ASMTL: variants seen among roughly 807,000 people sequenced by gnomAD.
ASMTL encodes probable bifunctional dTTP/UTP pyrophosphatase/methyltransferase protein.
A neutral mutation model predicts 60.3 loss-of-function variants in ASMTL; 57 were observed. The ratio of observed to expected loss-of-function variants is 0.95; its 90% CI spans 0.76 to 1.18. The LOEUF is 1.18. Ranked by LOEUF, ASMTL falls within the 50% of genes most tolerant of loss-of-function variation. The probability of loss-of-function intolerance (pLI) is 0.00; values close to 1 mark genes in which losing one functional copy is unlikely to be tolerated. For missense variants in ASMTL, 981 were observed against 852.6 expected (o/e 1.15, Z -1.88); for synonymous variants, 419 against 373.0 (o/e 1.12, Z -1.42).
chrX:1,431,388 T>C (rs1377267755), intron 6 of ASMTL, among the ~76,000 whole-genome samples: 1 of 135,892 alleles, frequency 7.4e-6, no homozygotes, highest in Non-Finnish European at 1.5e-5. Flanking sequence ...CGATTATAAC[T>C]ACCTATTATA....
At chrX:1,417,679 A>G (rs2090342374) in intron 11 of ASMTL, among the ~76,000 whole-genome samples, 1 of 151,234 alleles carries the variant, frequency 6.6e-6, no homozygotes, top group South Asian at 2.1e-4. Flanking sequence ...ACAGAAACAT[A>G]TGCAACCACA....
At chrX:1,438,536 G>A (rs1468491365) in intron 3 of ASMTL, among the ~76,000 whole-genome samples, 20 of 152,122 alleles carry the variant, frequency 1.3e-4, no homozygotes, top group African/African-American at 2.9e-4. Context: ...CTTTTGAGAC[G>A]GAGTCTCGCT....
chrX:1,438,071 T>C (rs1325230673), intron 3 of ASMTL, among the ~76,000 whole-genome samples: 1 of 150,748 alleles, frequency 6.6e-6, no homozygotes, highest in Non-Finnish European at 1.5e-5. Flanking sequence ...GGCAGATCAC[T>C]TGAGGTCGGG....
chrX:1,415,242 G>A (rs1266711322), intron 11 of ASMTL, among the ~76,000 whole-genome samples: 2 of 12,446 alleles, frequency 1.6e-4, no homozygotes, highest in Non-Finnish European at 6.8e-4. Flanking sequence ...ATCCGTCCTG[G>A]CCTCAGCAGC....
intron 6 of ASMTL, among the ~76,000 whole-genome samples, chrX:1,431,498 T>C (rs28593091): frequency 0.021 from 2,908 of 139,038 alleles, 90 homozygotes; most frequent in African/African-American, 0.072. Flanking sequence ...TCACTACTTA[T>C]TAAAATTAAT....
chrX:1,433,387 C>A (rs1229614313), intron 5 of ASMTL, among the ~76,000 whole-genome samples: 1 of 146,386 alleles, frequency 6.8e-6, no homozygotes, highest in Non-Finnish European at 1.5e-5. Context: ...CAGAAGGGAC[C>A]GCGCGCGGTG....
chrX:1,403,588 G>C, intron 12 of ASMTL, 99 bp from the exon 13 acceptor site: 1 of 1,126,096 alleles, frequency 8.9e-7, no homozygotes, highest in Non-Finnish European at 1.3e-6. Context: ...TCAGAACGGT[G>C]AGCAGAGGCT....
intron 8 of ASMTL, 91 bp from the exon 9 acceptor site, chrX:1,421,933 A>C: frequency 8.1e-7 from 1 of 1,228,188 alleles, no homozygotes; most frequent in Admixed American, 1.8e-5. Flanking sequence ...TGTTAAAATA[A>C]ACATCACCCA....
At chrX:1,418,280 CTG>C (rs1569532398) in intron 10 of ASMTL, 164 bp from the exon 11 acceptor site, 2 of 312,112 alleles carry the variant, frequency 6.4e-6, no homozygotes, top group African/African-American at 2.3e-5. Flanking sequence ...CCAGACAAGA[CTG>C]TACAAGCAGG....
chrX:1,450,060 C>G (rs1428978929), intron 1 of ASMTL, among the ~76,000 whole-genome samples: 2 of 151,004 alleles, frequency 1.3e-5, no homozygotes, highest in Non-Finnish European at 3.0e-5. Context: ...ACTATCCTTC[C>G]ATCACCAGTA....
intron 6 of ASMTL, among the ~76,000 whole-genome samples, chrX:1,428,355 A>G (rs1360680680): frequency 6.6e-6 from 1 of 151,372 alleles, no homozygotes; most frequent in Non-Finnish European, 1.5e-5. Flanking sequence ...ACAATTTCAC[A>G]GCAAGGCTGG....
chrX:1,411,704 T>A (rs1312258444), intron 12 of ASMTL, among the ~76,000 whole-genome samples: 1 of 139,224 alleles, frequency 7.2e-6, no homozygotes, highest in Non-Finnish European at 1.5e-5. Flanking sequence ...GGCTTCCTCC[T>A]CTGCAGCCTC....
rs1433282628 is a variant in ASMTL, at chrX:1,425,381, C to T, written c.1060+144G>A. On this transcript the variant is annotated intron_variant, in intron 8 of 12. Coordinates refer to ENST00000381317, the MANE Select transcript of ASMTL (RefSeq NM_004192.4). ...TGTCATTCACCCTCTGCTTCTCAAC[C>T]TTTCGGGAAAAGCAGCATTCCTGAG... 4 of 1,002,070 alleles carry T rather than the reference C, an allele frequency of 4.0e-6. No homozygotes were observed. In the Admixed American group the frequency reaches 1.2e-4, roughly 29 times the overall value. The allele number at this position is 1,002,070 out of a possible 1,614,324, so 62.1% of individuals were successfully genotyped here. A position where few individuals can be genotyped will look rare whatever the true frequency, so the allele number is the denominator to read the frequency against.
chrX:1,405,248 GGTAGA>G (rs2089773595), intron 12 of ASMTL, among the ~76,000 whole-genome samples: 1 of 141,204 alleles, frequency 7.1e-6, no homozygotes, highest in African/African-American at 2.5e-5. Context: ...GTGAACAGAT[GGTAGA>G]TGATGGGTAC....
intron 11 of ASMTL, among the ~76,000 whole-genome samples, chrX:1,416,463 G>A (rs55802411): frequency 0.92 from 117,925 of 128,634 alleles, 54,791 homozygotes; most frequent in East Asian, 0.98. Flanking sequence ...AGATGGACAC[G>A]CAGACACACA....
At chrX:1,420,081 T>A (rs1277282247) in intron 9 of ASMTL, among the ~76,000 whole-genome samples, 33 of 151,970 alleles carry the variant, frequency 2.2e-4, no homozygotes, top group Non-Finnish European at 5.9e-5. Flanking sequence ...TCTGCCTCTA[T>A]CTCTGTCTCT....
At chrX:1,438,819 GTT>G (rs201596825) in intron 3 of ASMTL, among the ~76,000 whole-genome samples, 2,210 of 152,238 alleles carry the variant, frequency 0.015, 96 homozygotes, top group Admixed American at 0.089. Context: ...TAGAGATGGG[GTT>G]TTACCGTGTT....
At chrX:1,429,558 G>A (rs67668627) in intron 6 of ASMTL, among the ~76,000 whole-genome samples, 98,578 of 151,604 alleles carry the variant, frequency 0.65, 32,340 homozygotes, top group South Asian at 0.75. Context: ...AGCACTTCGG[G>A]AGGCTGAGGC....
chrX:1,428,043 C>G lies in ASMTL; in HGVS notation c.588G>C (p.Val196=). The change falls in exon 7 of 13, where the codon GTG becomes GTC. Residue 196 remains valine (V), a synonymous_variant. Coordinates refer to ENST00000381317, the MANE Select transcript of ASMTL (RefSeq NM_004192.4). ...VESVHGDFLN[V]VGFPLNHFCK... The stretch of plus-strand genomic sequence containing the variant: ...AGAAGTGGTTCAGCGGGAATCCCAC[C>G]ACGTTCAGAAAGTCCCCGTGTACGG... 1 of 1,613,758 alleles carries G rather than the reference C, an allele frequency of 6.2e-7. No homozygotes were observed. Among genetic ancestry groups the G allele is most frequent in the Non-Finnish European group, 8.5e-7 (1 of 1,179,858 alleles).
Sources: gnomAD v4.1 joint callset for allele counts (sites outside exome capture counted in the v4.1 genomes callset) on GRCh38, gnomAD v4.1.1 for gene constraint, MANE v1.5 for transcripts, NCBI Gene and HGNC (gene_info 2026-07-23, HGNC 2026-07-21) for gene names.